The following KATNAL1 variants were observed in gnomAD, a reference collection of about 807,000 sequenced individuals.
KATNAL1 encodes the protein katanin p60 ATPase-containing subunit A-like 1.
Under a neutral mutation model 55.2 loss-of-function variants are expected in KATNAL1, and 32 were observed. The ratio of observed to expected loss-of-function variants is 0.58; its 90% CI spans 0.44 to 0.78. The LOEUF is 0.78. Among genes scored for constraint, KATNAL1 ranks in the 30% least tolerant of loss-of-function variants. The pLI, the probability that KATNAL1 is intolerant of heterozygous loss-of-function variation, is 0.00. For missense variants in KATNAL1, 466 were observed against 600.9 expected (o/e 0.78, Z 2.35); for synonymous variants, 193 against 193.6 (o/e 1.00, Z 0.02).
chr13:30,239,805 C>T (rs1380972402), intron 6 of KATNAL1, among the ~76,000 whole-genome samples: 1 of 151,394 alleles, frequency 6.6e-6, no homozygotes, highest in Non-Finnish European at 1.5e-5. Context: ...CCTGCCTCAG[C>T]CTCCCGAGTA....
intron 9 of KATNAL1, 41 bp downstream of exon 9, chr13:30,227,371 C>T (rs1372525978): frequency 3.2e-6 from 5 of 1,578,916 alleles, no homozygotes; most frequent in Non-Finnish European, 4.3e-6. Context: ...GGAAAGGTAA[C>T]AAAAAGTAAC....
chr13:30,216,527 A>G (rs911997913), intron 9 of KATNAL1, among the ~76,000 whole-genome samples: 9 of 152,232 alleles, frequency 5.9e-5, no homozygotes, highest in Non-Finnish European at 8.8e-5. Flanking sequence ...GGATTACCAG[A>G]AAACAGAAAG....
chr13:30,293,814 T>A (rs750937213), intron 1 of KATNAL1, among the ~76,000 whole-genome samples: 3 of 152,242 alleles, frequency 2.0e-5, no homozygotes, highest in Non-Finnish European at 2.9e-5. Flanking sequence ...ATGGCAACTG[T>A]GCATCCAGCA....
intron 1 of KATNAL1, among the ~76,000 whole-genome samples, chr13:30,302,983 A>G (rs1882955070): frequency 6.6e-6 from 1 of 152,244 alleles, no homozygotes; most frequent in Non-Finnish European, 1.5e-5. Context: ...GCAAAACAAT[A>G]CTGAGATATG....
chr13:30,241,740 C>T (rs147210773), intron 4 of KATNAL1, among the ~76,000 whole-genome samples: 5 of 152,132 alleles, frequency 3.3e-5, no homozygotes, highest in African/African-American at 9.6e-5. Context: ...AAACTTCAAC[C>T]GGAAAAGAGA....
At chr13:30,253,284 CAT>C (rs1384460879) in intron 4 of KATNAL1, among the ~76,000 whole-genome samples, 1 of 152,164 alleles carries the variant, frequency 6.6e-6, no homozygotes, top group African/African-American at 2.4e-5. Context: ...TGACTCAGAA[CAT>C]ATCTTTTATC....
At chr13:30,220,232 A>G (rs1207902351) in intron 9 of KATNAL1, among the ~76,000 whole-genome samples, 4 of 152,134 alleles carry the variant, frequency 2.6e-5, no homozygotes, top group South Asian at 2.1e-4. Flanking sequence ...AGGTGGATGC[A>G]GGTGGATCAC....
chr13:30,215,889 C>A (rs948889484), intron 9 of KATNAL1, among the ~76,000 whole-genome samples: 4 of 151,674 alleles, frequency 2.6e-5, no homozygotes, highest in Non-Finnish European at 5.9e-5. Flanking sequence ...ACTAACCTGC[C>A]CATTGTGCAC....
chr13:30,292,949 T>C (rs1472587569), intron 1 of KATNAL1, among the ~76,000 whole-genome samples: 1 of 152,214 alleles, frequency 6.6e-6, no homozygotes, highest in Non-Finnish European at 1.5e-5. Context: ...TAATTCGTTA[T>C]ATATCACTTG....
chr13:30,275,548 TAC>T (rs1880777656), intron 3 of KATNAL1, among the ~76,000 whole-genome samples: 1 of 152,170 alleles, frequency 6.6e-6, no homozygotes, highest in Non-Finnish European at 1.5e-5. Context: ...GAGTGGTTAT[TAC>T]CAGGGGCTAG....
intron 4 of KATNAL1, among the ~76,000 whole-genome samples, chr13:30,247,250 G>A (rs1221915353): frequency 6.6e-6 from 1 of 152,040 alleles, no homozygotes; most frequent in Non-Finnish European, 1.5e-5. Context: ...AGTTAGACAA[G>A]GTTTCTAAAT....
Position 30,240,561 on chromosome 13 carries a change from C to A in KATNAL1, c.625G>T (p.Asp209Tyr). The change falls in exon 6 of 11, where the codon GAC becomes TAC. Residue 209 changes from aspartate to tyrosine, a missense_variant. Physicochemically the swap from Asp to Tyr is radical, Grantham distance 160. Around this residue, in one of 3 missense-constraint regions of KATNAL1, gnomAD observed 248 missense variants for 275.5 expected, o/e 0.90. Coordinates refer to ENST00000380615, the MANE Select transcript of KATNAL1 (RefSeq NM_032116.5). ...VSRNPSIHWDDIADLEEAKKL... is the reference protein window; with the variant it reads ...VSRNPSIHWDYIADLEEAKKL... ...TTAGCTTCTTCCAGATCTGCTATGT[C>A]ATCCCTTTGAAAGAACAGCAAACTT... 6.2e-7 allele frequency: 1 copy of A among 1,608,988 alleles called. No individual in the cohort carries two copies. The highest frequency in any genetic ancestry group is 1.1e-5 in the South Asian group (1 of 90,782).
At chr13:30,240,739 G>A (rs534272287) in intron 5 of KATNAL1, among the ~76,000 whole-genome samples, 174 bp from the exon 6 acceptor site, 10 of 152,262 alleles carry the variant, frequency 6.6e-5, no homozygotes, top group East Asian at 1.9e-4. Context: ...ATGAGGACAT[G>A]TCATTGAATT....
rs76940165 is a variant in KATNAL1 at position 30,205,108 on chromosome 13, C to G, written c.*3432G>C. 319 of 152,206 alleles carry G rather than the reference C, an allele frequency of 2.1e-3. 1 individual carries two copies. Among genetic ancestry groups the G allele is most frequent in the African/African-American group, 7.2e-3 (299 of 41,530 alleles). The allele number at this position is 152,206 out of a possible 1,614,324, so 9.4% of individuals were successfully genotyped here. A position where few individuals can be genotyped will look rare whatever the true frequency, so the allele number is the denominator to read the frequency against. ...AGATCCATAATAGTTACACATTATT[C>G]AAATAAATGTATATCAGTTCTAATT... On this transcript the variant is annotated 3_prime_UTR_variant, in exon 11 of 11. Transcript: ENST00000380615.
intron 6 of KATNAL1, among the ~76,000 whole-genome samples, chr13:30,232,169 A>G (rs1006835012): frequency 4.6e-5 from 7 of 152,226 alleles, no homozygotes; most frequent in African/African-American, 7.2e-5. Flanking sequence ...AAAATTATTC[A>G]AAGAATCCAA....
chr13:30,304,147 AACTT>A (rs2137577972), intron 1 of KATNAL1, among the ~76,000 whole-genome samples: 1 of 152,212 alleles, frequency 6.6e-6, no homozygotes, highest in African/African-American at 2.4e-5. Context: ...AAAATTAGAC[AACTT>A]ACTTTCTTTC....
chr13:30,247,584 CA>C (rs1877913496), intron 4 of KATNAL1, among the ~76,000 whole-genome samples: 1 of 152,088 alleles, frequency 6.6e-6, no homozygotes, highest in Non-Finnish European at 1.5e-5. Flanking sequence ...GACAGAACAG[CA>C]AGTTCAAATT....
At chr13:30,257,950 A>G (rs1566111466) in intron 3 of KATNAL1, among the ~76,000 whole-genome samples, 1 of 152,238 alleles carries the variant, frequency 6.6e-6, no homozygotes, top group Admixed American at 6.5e-5. Flanking sequence ...TTCTTTGTCC[A>G]CTAGCACATC....
At chr13:30,229,657 G>A (rs1267933627) in intron 8 of KATNAL1, among the ~76,000 whole-genome samples, 1 of 152,114 alleles carries the variant, frequency 6.6e-6, no homozygotes, top group African/African-American at 2.4e-5. Context: ...GGTCAAGGCT[G>A]CAGTGAGCTG....
Sources: gnomAD v4.1 joint callset for allele counts (sites outside exome capture counted in the v4.1 genomes callset) on GRCh38, gnomAD v4.1.1 for gene constraint, gnomAD v4.1.1 regional missense constraint, MANE v1.5 for transcripts, NCBI Gene and HGNC (gene_info 2026-07-23, HGNC 2026-07-21) for gene names.